MGST2: variants seen among roughly 807,000 people sequenced by gnomAD.
MGST2 encodes the protein microsomal glutathione S-transferase 2, also known as glutathione peroxidase MGST2.
MGST2 carries 9 observed loss-of-function variants against 16.6 expected under a neutral mutation model. The observed-to-expected ratio is 0.54, with a 90% CI of 0.33 to 0.95. The LOEUF is 0.95. MGST2 is among the 40% of genes least tolerant of loss of function. The probability of loss-of-function intolerance (pLI) is 0.03; values close to 1 mark genes in which losing one functional copy is unlikely to be tolerated. For synonymous variants in MGST2, 79 were observed against 68.0 expected, an observed-to-expected ratio of 1.16 and a Z score of -0.79; for missense variants, 159 against 175.1, an observed-to-expected ratio of 0.91 and a Z score of 0.52.
chr4:139,666,149 A>G, intron 1 of MGST2, 72 bp downstream of exon 1: 2 of 1,471,462 alleles, frequency 1.4e-6, no homozygotes, highest in Admixed American at 3.4e-5. Flanking sequence ...GGCTTGCGGG[A>G]GAGAGAGGGA....
At chr4:139,680,637 G>A (rs1587265) in intron 2 of MGST2, among the ~76,000 whole-genome samples, 103,131 of 151,962 alleles carry the variant, frequency 0.68, 35,946 homozygotes, top group East Asian at 0.84. Context: ...TTAGTGGAGT[G>A]CACCCTTCAG....
chr4:139,719,274 C>T (rs1454067779), intron 5 of MGST2: 1 of 1,514,984 alleles, frequency 6.6e-7, no homozygotes. Context: ...TTCTTTTTCA[C>T]TTTTTAAGCT....
Position 139,678,672 on chromosome 4 carries a change from A to G in MGST2, c.158+30A>G, listed in dbSNP as rs770906686. 2.6e-6 allele frequency: 4 copies of G among 1,527,096 alleles called. No individual in the cohort carries two copies. The African/African-American group carries it at 4.1e-5, about 16-fold the overall frequency. 94.6% of individuals were successfully genotyped at this position (1,527,096 alleles called of 1,614,324 possible). A position where few individuals can be genotyped will look rare whatever the true frequency, so the allele number is the denominator to read the frequency against. On this transcript the variant is annotated intron_variant, in intron 2 of 4. Transcript: ENST00000265498. ...GTAATGCTTCTTCCACCCTTCATGGATCTGTGCCTGCCATACAGACACAAT... is the reference window on the plus strand; with the variant it reads ...GTAATGCTTCTTCCACCCTTCATGGGTCTGTGCCTGCCATACAGACACAAT...
chr4:139,681,021 A>T (rs892408467), intron 2 of MGST2, among the ~76,000 whole-genome samples: 1 of 150,322 alleles, frequency 6.7e-6, no homozygotes, highest in Non-Finnish European at 1.5e-5. Context: ...CTGTTTTAGA[A>T]TTTTTTTTTT....
intron 2 of MGST2, among the ~76,000 whole-genome samples, chr4:139,690,932 A>G (rs1284717920): frequency 3.9e-5 from 6 of 152,178 alleles, no homozygotes; most frequent in African/African-American, 1.4e-4. Flanking sequence ...GGGTCTCAGC[A>G]GCTTTAACTA....
rs1408920005 is a variant in MGST2, at chr4:139,735,191, C to A, written c.*49-5021C>A. ...AGCACAATACCGAGCAGATGGTGTT[C>A]GCACGGCGTGATGGACATCACACAC... is the stretch of plus-strand genomic sequence containing the variant. On this transcript the variant is annotated intron_variant, in intron 5 of 5. Transcript: ENST00000616265. The surrounding 1 kb of genome is among the most constrained non-coding windows in gnomAD (Gnocchi z 5.8). Among the ~76,000 whole-genome samples, 1 of 152,220 alleles carries A rather than the reference C, an allele frequency of 6.6e-6. No individual in the cohort carries two copies. Among genetic ancestry groups the A allele is most frequent in the Non-Finnish European group, 1.5e-5 (1 of 68,040 alleles).
chr4:139,684,808 G>C (rs1307343500), intron 2 of MGST2, among the ~76,000 whole-genome samples: 1 of 152,164 alleles, frequency 6.6e-6, no homozygotes, highest in Non-Finnish European at 1.5e-5. Flanking sequence ...CTGTTTTCAG[G>C]ACAGAATTTT....
At chr4:139,720,237 T>G (rs368146044) in intron 5 of MGST2, 6 of 1,609,858 alleles carry the variant, frequency 3.7e-6, no homozygotes, top group South Asian at 1.1e-5. Flanking sequence ...ATTCCCATCA[T>G]GCCTGCGTTC....
At chr4:139,730,506 C>T (rs1579369171) in intron 5 of MGST2, 2 of 1,556,200 alleles carry the variant, frequency 1.3e-6, no homozygotes, top group Non-Finnish European at 1.7e-6. Context: ...TCAACTGGGC[C>T]CGCTGATCAA....
At chr4:139,713,748 G>T (rs1727831086) in intron 5 of MGST2, among the ~76,000 whole-genome samples, 1 of 152,192 alleles carries the variant, frequency 6.6e-6, no homozygotes. Context: ...CCTCCTAGGT[G>T]CTTAGTGAAA....
intron 5 of MGST2, chr4:139,725,817 G>C (rs1338631136): frequency 1.9e-6 from 3 of 1,613,978 alleles, no homozygotes; most frequent in South Asian, 1.1e-5. Context: ...TGCCGGGGTA[G>C]ATGTGATTGC....
chr4:139,718,924 G>T (rs760349001), intron 5 of MGST2: 11 of 178,304 alleles, frequency 6.2e-5, no homozygotes, highest in Admixed American at 1.6e-4. Flanking sequence ...CTCCAAAGCT[G>T]CTGTCTCCCG....
At chr4:139,725,733 A>C in intron 5 of MGST2, 1 of 1,611,746 alleles carries the variant, frequency 6.2e-7, no homozygotes, top group Non-Finnish European at 8.5e-7. Flanking sequence ...AAAATGAGAG[A>C]GGTTGCACTG....
At chr4:139,741,991 C>T (rs114391083), downstream of MGST2, among the ~76,000 whole-genome samples, 9,311 of 152,050 alleles carry the variant, frequency 0.061, 477 homozygotes, top group Admixed American at 0.14. Flanking sequence ...TGGAGACACA[C>T]GGGCATAAAA....
intron 2 of MGST2, among the ~76,000 whole-genome samples, chr4:139,690,909 G>A (rs757597386): frequency 1.1e-4 from 16 of 152,170 alleles, no homozygotes; most frequent in Admixed American, 1.0e-3. Flanking sequence ...ATGGTACTGG[G>A]ATGAACAACA....
chr4:139,691,693 TGA>T (rs33958896), intron 2 of MGST2, among the ~76,000 whole-genome samples: 112 of 143,376 alleles, frequency 7.8e-4, no homozygotes, highest in African/African-American at 2.0e-3. Flanking sequence ...ATGATGATGA[TGA>T]TGATTATTAT....
intron 5 of MGST2, chr4:139,731,144 T>C (rs1255396963): frequency 6.0e-6 from 1 of 166,594 alleles, no homozygotes; most frequent in African/African-American, 2.4e-5. Flanking sequence ...AATTTGTTAA[T>C]CAACAGATCT....
intron 2 of MGST2, among the ~76,000 whole-genome samples, chr4:139,681,458 TA>T (rs200357882): frequency 4.9e-4 from 75 of 152,340 alleles, no homozygotes; most frequent in African/African-American, 1.7e-3. Flanking sequence ...CAGGTTTTCA[TA>T]ATTTTGGATT....
chr4:139,716,706 T>TAA (rs1727981215), intron 5 of MGST2: 1 of 152,590 alleles, frequency 6.6e-6, no homozygotes, highest in Non-Finnish European at 1.5e-5. Flanking sequence ...TCTGCTTAAT[T>TAA]AAGATTGGAG....
Sources: allele counts gnomAD v4.1 joint callset (sites outside exome capture counted in the v4.1 genomes callset), GRCh38; gene constraint gnomAD v4.1.1; non-coding constraint Gnocchi (gnomAD v3.1); transcripts MANE v1.5; gene names NCBI Gene and HGNC (gene_info 2026-07-23, HGNC 2026-07-21).